IMPG1: variants seen among roughly 807,000 people sequenced by gnomAD.
IMPG1 encodes the protein interphotoreceptor matrix proteoglycan 1.
Under a neutral mutation model 92.0 loss-of-function variants are expected in IMPG1, and 85 were observed. The observed-to-expected ratio is 0.92, with a 90% CI of 0.78 to 1.11. The LOEUF (loss-of-function observed/expected upper bound fraction) is 1.11. IMPG1 is among the 50% of genes least tolerant of loss of function. The pLI is 0.00. For synonymous variants in IMPG1, 367 were observed against 334.1 expected (o/e 1.10, Z -1.08); for missense variants, 1,022 against 956.0 (o/e 1.07, Z -0.91).
intron 12 of IMPG1, among the ~76,000 whole-genome samples, chr6:75,990,927 C>G (rs889240759): frequency 2.0e-5 from 3 of 152,198 alleles, no homozygotes; most frequent in African/African-American, 4.8e-5. Flanking sequence ...CACTTTCCCT[C>G]AAAGCAAGAA....
chr6:76,056,624 G>C (rs970937825), intron 1 of IMPG1, among the ~76,000 whole-genome samples: 1 of 152,072 alleles, frequency 6.6e-6, no homozygotes, highest in Non-Finnish European at 1.5e-5. Context: ...TTCCAAAATA[G>C]CCGTAGTAAT....
At chr6:76,033,158 CT>C (rs1284753346) in intron 4 of IMPG1, among the ~76,000 whole-genome samples, 7 of 152,116 alleles carry the variant, frequency 4.6e-5, no homozygotes, top group African/African-American at 1.7e-4. Flanking sequence ...AGAGAAGGCC[CT>C]GTGGAAAGAA....
chr6:76,059,585 A>G (rs55710936), intron 1 of IMPG1, among the ~76,000 whole-genome samples: 2,446 of 152,104 alleles, frequency 0.016, 64 homozygotes, highest in African/African-American at 0.056. Context: ...AATAGTAAAA[A>G]CCACACTAAG....
intron 12 of IMPG1, among the ~76,000 whole-genome samples, chr6:75,974,379 CTTTCTTTCTTTCTTTTCTTTCT>C (rs1582078411): frequency 3.0e-4 from 26 of 87,484 alleles, no homozygotes; most frequent in East Asian, 1.2e-3. Flanking sequence ...TTCTTTCTTT[CTTTCTTTCTTTCTTTTCTTTCT>C]TTCCTTCCTT....
intron 12 of IMPG1, among the ~76,000 whole-genome samples, chr6:75,972,027 T>A (rs1295810630): frequency 6.6e-6 from 1 of 152,224 alleles, no homozygotes; most frequent in Non-Finnish European, 1.5e-5. Flanking sequence ...GCATGACAGC[T>A]GTAATTTTAC....
At chr6:75,995,767 C>T (rs116860743) in intron 12 of IMPG1, among the ~76,000 whole-genome samples, 476 of 152,286 alleles carry the variant, frequency 3.1e-3, no homozygotes, top group Middle Eastern at 0.027. Flanking sequence ...TCAGTGGTCA[C>T]GGGGTAATTG....
intron 12 of IMPG1, among the ~76,000 whole-genome samples, chr6:75,991,917 C>T (rs1782819402): frequency 6.6e-6 from 1 of 152,160 alleles, no homozygotes; most frequent in Non-Finnish European, 1.5e-5. Flanking sequence ...TCATTCAAGA[C>T]ATACTGTGAT....
At chr6:75,927,317 G>C (rs926882238) in intron 15 of IMPG1, among the ~76,000 whole-genome samples, 5 of 152,122 alleles carry the variant, frequency 3.3e-5, no homozygotes, top group African/African-American at 1.2e-4. Context: ...TACCTAGTAG[G>C]GGGCAGAGCT....
Position 75,951,001 on chromosome 6 carries a change from T to G in IMPG1, c.1385A>C (p.Gln462Pro), listed in dbSNP as rs148175710. Residue 462 changes from glutamine to proline, a missense_variant, in exon 13 of 17, where the codon CAA (glutamine) becomes CCA (proline). Coordinates refer to ENST00000369950, the MANE Select transcript of IMPG1 (RefSeq NM_001563.4). Reference sequence around the variant, plus strand: ...AGTGGCCATTGTATCTGTGGTGCCTTGATCAGTCAGAGAGAAGATGCTTGA... The same window carrying G: ...AGTGGCCATTGTATCTGTGGTGCCTGGATCAGTCAGAGAGAAGATGCTTGA... ...MASSIFSLTD[Q>P]GTTDTMATDQ... The G allele has an allele frequency of 6.2e-7, 1 of 1,613,876 alleles. No homozygotes were observed. Among genetic ancestry groups the G allele is most frequent in the Admixed American group, 1.7e-5 (1 of 59,976 alleles).
At chr6:76,070,608 T>C (rs1784389923) in intron 1 of IMPG1, among the ~76,000 whole-genome samples, 1 of 152,138 alleles carries the variant, frequency 6.6e-6, no homozygotes, top group South Asian at 2.1e-4. Flanking sequence ...AATATCGTTA[T>C]ATATTAATGG....
intron 1 of IMPG1, among the ~76,000 whole-genome samples, chr6:76,042,713 T>C (rs1427440387): frequency 6.6e-6 from 1 of 152,030 alleles, no homozygotes. Context: ...TCATGAAGGA[T>C]GGTGAGAGGA....
chr6:75,965,677 T>C (rs9360966), intron 12 of IMPG1, among the ~76,000 whole-genome samples: 74,944 of 148,822 alleles, frequency 0.5, 19,323 homozygotes, highest in East Asian at 0.66. Flanking sequence ...TGGCCGGTCT[T>C]GGCTTACTGC....
At chr6:76,059,909 A>C (rs912282066) in intron 1 of IMPG1, among the ~76,000 whole-genome samples, 1 of 152,202 alleles carries the variant, frequency 6.6e-6, no homozygotes, top group Non-Finnish European at 1.5e-5. Flanking sequence ...TCATAGTTCA[A>C]CTTAATTAAA....
intron 1 of IMPG1, among the ~76,000 whole-genome samples, chr6:76,051,759 T>C (rs776694058): frequency 1.3e-5 from 2 of 152,206 alleles, no homozygotes; most frequent in Non-Finnish European, 2.9e-5. Flanking sequence ...CAGTAATCCC[T>C]GCTGAGGATA....
chr6:75,924,991 G>A (rs114031181), intron 15 of IMPG1, among the ~76,000 whole-genome samples: 57 of 151,126 alleles, frequency 3.8e-4, no homozygotes, highest in African/African-American at 1.4e-3. Flanking sequence ...AGGGTATCAT[G>A]GAGAGAGATT....
chr6:76,002,356 T>C, intron 12 of IMPG1, among the ~76,000 whole-genome samples: 1 of 152,348 alleles, frequency 6.6e-6, no homozygotes, highest in East Asian at 1.9e-4. Context: ...ATTAACCTTC[T>C]TGGAGATTCA....
At chr6:75,994,549 A>G (rs1411719773) in intron 12 of IMPG1, among the ~76,000 whole-genome samples, 2 of 152,238 alleles carry the variant, frequency 1.3e-5, no homozygotes, top group African/African-American at 4.8e-5. Context: ...ATCATGGCAG[A>G]AGGCAAGGAG....
At chr6:76,026,738 G>A (rs1473444929) in intron 4 of IMPG1, among the ~76,000 whole-genome samples, 2 of 151,920 alleles carry the variant, frequency 1.3e-5, no homozygotes, top group African/African-American at 4.8e-5. Flanking sequence ...TCTCCACCCT[G>A]TCTGCAGTTA....
intron 6 of IMPG1, among the ~76,000 whole-genome samples, chr6:76,020,593 T>A (rs1262452233): frequency 6.6e-6 from 1 of 152,116 alleles, no homozygotes; most frequent in Non-Finnish European, 1.5e-5. Context: ...GTAGGTCTGG[T>A]GGTAGTGGCA....
Sources: allele counts gnomAD v4.1 joint callset (sites outside exome capture counted in the v4.1 genomes callset), GRCh38; gene constraint gnomAD v4.1.1; transcripts MANE v1.5; gene names NCBI Gene and HGNC (gene_info 2026-07-23, HGNC 2026-07-21).